Variants in GREB1 observed in about 807,000 individuals in gnomAD.
GREB1 encodes growth regulating estrogen receptor binding 1.
Under a neutral mutation model 200.7 loss-of-function variants are expected in GREB1, and 106 were observed. The observed-to-expected ratio is 0.53, with a 90% CI of 0.45 to 0.62. The LOEUF (loss-of-function observed/expected upper bound fraction) is 0.62. GREB1 is among the 20% of genes least tolerant of loss of function. The pLI, the probability that GREB1 is intolerant of heterozygous loss-of-function variation, is 0.00. For synonymous variants in GREB1, 1,132 were observed against 1,092.4 expected, an observed-to-expected ratio of 1.04 and a Z score of -0.72; for missense variants, 2,243 against 2,556.8, an observed-to-expected ratio of 0.88 and a Z score of 2.65.
intron 1 of GREB1, among the ~76,000 whole-genome samples, chr2:11,534,730 GCTT>G (rs1222582250): frequency 6.6e-6 from 1 of 152,192 alleles, no homozygotes; most frequent in Non-Finnish European, 1.5e-5. Flanking sequence ...GGGGATGTGT[GCTT>G]CTTCTTCACA....
intron 1 of GREB1, among the ~76,000 whole-genome samples, chr2:11,484,586 AAAAAAC>A (rs201775830): frequency 0.47 from 64,638 of 138,974 alleles, 15,776 homozygotes; most frequent in East Asian, 0.67. Context: ...CTCATCTCTT[AAAAAAC>A]AAAAAAAAAA....
At position 11,495,625 on chromosome 2, in the gene GREB1, T is replaced by C. The variant is rs139493585; in HGVS notation, c.-159+13244T>C. On this transcript the variant is annotated intron_variant, in intron 1 of 2. Coordinates refer to the GREB1 transcript ENST00000628795. ...GTAGATGGGATTTTTATTATCCTCG[T>C]TTTGCAGAGTGGGAAACTGAGGCAC... is the stretch of plus-strand genomic sequence containing the variant. Among the ~76,000 whole-genome samples, 63 of 152,160 alleles carry C rather than the reference T, an allele frequency of 4.1e-4. No homozygotes were observed. In the East Asian group the frequency reaches 0.012, roughly 28 times the overall value.
At chr2:11,628,123 A>G (rs920750482) in intron 25 of GREB1, among the ~76,000 whole-genome samples, 1 of 152,206 alleles carries the variant, frequency 6.6e-6, no homozygotes, top group African/African-American at 2.4e-5. Flanking sequence ...GGACTCTCTC[A>G]GTGGGAACTC....
intron 1 of GREB1, among the ~76,000 whole-genome samples, chr2:11,490,046 A>G (rs1207613125): frequency 1.3e-5 from 2 of 150,752 alleles, no homozygotes; most frequent in Non-Finnish European, 3.0e-5. Context: ...ATATATAATT[A>G]TAATACAATT....
chr2:11,544,094 G>A lies in GREB1; in HGVS notation c.-162+9840G>A, dbSNP rs779019652. Among the ~76,000 whole-genome samples, 120 of 152,318 alleles carry A rather than the reference G, an allele frequency of 7.9e-4. 1 individual carries two copies. The highest frequency in any genetic ancestry group is 6.8e-3 in the Middle Eastern group (2 of 294). On this transcript the variant is annotated intron_variant, in intron 1 of 32. Transcript: ENST00000381486. Reference sequence around the variant, plus strand: ...ATGGAGGCTTCATTTAGACAGAGGTGCCTCATTGCATGATTGGTAACAGGT... The same window carrying A: ...ATGGAGGCTTCATTTAGACAGAGGTACCTCATTGCATGATTGGTAACAGGT...
chr2:11,548,052 C>T lies in GREB1; in HGVS notation c.-161-8402C>T, dbSNP rs1211902891. On this transcript the variant is annotated intron_variant, in intron 1 of 32. Transcript: ENST00000381486. The surrounding 1 kb of genome is among the most constrained non-coding windows in gnomAD (Gnocchi z 5.1). ...AGCTATCTGGGCATGGTGGCATGTTCCTATAGTCCTAGCTACTCAGGAGGC... is the reference window on the plus strand; with the variant it reads ...AGCTATCTGGGCATGGTGGCATGTTTCTATAGTCCTAGCTACTCAGGAGGC... Among the ~76,000 whole-genome samples, 1 of 152,102 alleles carries T rather than the reference C, an allele frequency of 6.6e-6. No homozygotes were observed. The highest frequency in any genetic ancestry group is 1.5e-5 in the Non-Finnish European group (1 of 68,022).
chr2:11,609,356 T>C (rs56856746), intron 17 of GREB1, among the ~76,000 whole-genome samples: 12,003 of 151,802 alleles, frequency 0.079, 636 homozygotes, highest in South Asian at 0.21. Flanking sequence ...ACAACCTCCA[T>C]CTCCTGAGTT....
chr2:11,585,990 G>A (rs1452678656), intron 9 of GREB1, 85 bp downstream of exon 9: 31 of 1,394,952 alleles, frequency 2.2e-5, no homozygotes, highest in South Asian at 6.0e-5. Context: ...ACCTCATCCC[G>A]GTCTGACTCC....
chr2:11,633,067 AG>A lies in GREB1; in HGVS notation c.4991+6del, dbSNP rs1388109740. 6.2e-7 allele frequency: 1 copy of A among 1,613,728 alleles called. No individual in the cohort carries two copies. The highest frequency in any genetic ancestry group is 1.7e-5 in the Admixed American group (1 of 60,020). On this transcript the variant is annotated splice_donor_5th_base_variant and intron_variant, in intron 28 of 32. Coordinates refer to ENST00000381486, the MANE Select transcript of GREB1 (RefSeq NM_014668.4). The surrounding 1 kb of genome is among the most constrained non-coding windows in gnomAD (Gnocchi z 4.1). ...ACTCTGCTGGGGAGAGAAGCAGGTG[AG>A]GTAACCTGAGAGCACCACCTCCTGC...
chr2:11,578,783 G>C (rs1157778577), intron 6 of GREB1, among the ~76,000 whole-genome samples: 2 of 152,150 alleles, frequency 1.3e-5, no homozygotes, highest in African/African-American at 2.4e-5. Flanking sequence ...GGGTGGAAAA[G>C]ACCAGATTGC....
intron 1 of GREB1, among the ~76,000 whole-genome samples, chr2:11,524,155 C>A (rs1341696641): frequency 1.3e-5 from 2 of 152,254 alleles, no homozygotes; most frequent in East Asian, 3.9e-4. Flanking sequence ...TAAAATTCAT[C>A]TTTTTTCTCC....
intron 1 of GREB1, among the ~76,000 whole-genome samples, chr2:11,537,721 T>C (rs1044849520): frequency 4.1e-5 from 6 of 147,594 alleles, no homozygotes; most frequent in African/African-American, 1.5e-4. Context: ...AAATATATGA[T>C]ATTTATATAA....
chr2:11,526,023 A>G (rs1186668872), intron 1 of GREB1, among the ~76,000 whole-genome samples: 3 of 152,234 alleles, frequency 2.0e-5, no homozygotes, highest in Non-Finnish European at 2.9e-5. Context: ...GCATAGAAGC[A>G]TCAGACATTT....
chr2:11,533,160 A>T (rs1674138405), upstream of GREB1, among the ~76,000 whole-genome samples: 1 of 152,184 alleles, frequency 6.6e-6, no homozygotes. Context: ...TGCACATCCC[A>T]ATTATTCATT....
upstream of GREB1, among the ~76,000 whole-genome samples, chr2:11,532,350 G>A (rs1674104644): frequency 2.0e-5 from 3 of 152,228 alleles, no homozygotes; most frequent in South Asian, 6.2e-4. Flanking sequence ...TTCAATTGTG[G>A]CCAATAAAAT....
intron 1 of GREB1, among the ~76,000 whole-genome samples, chr2:11,512,905 A>T (rs1265237108): frequency 2.0e-5 from 3 of 152,208 alleles, no homozygotes; most frequent in African/African-American, 7.2e-5. Flanking sequence ...AGACAAAGAT[A>T]ATCAGGTCAA....
intron 9 of GREB1, among the ~76,000 whole-genome samples, 158 bp downstream of exon 9, chr2:11,586,063 C>T (rs746413224): frequency 3.3e-5 from 5 of 152,184 alleles, no homozygotes; most frequent in Non-Finnish European, 7.3e-5. Context: ...CAAGGCAGAG[C>T]CAGTCACTAG....
chr2:11,532,151 G>A (rs1674096639), upstream of GREB1, among the ~76,000 whole-genome samples: 4 of 152,244 alleles, frequency 2.6e-5, no homozygotes, highest in Middle Eastern at 3.4e-3. Context: ...GTTTAGCAAA[G>A]ATCATATATT....
At chr2:11,608,622 C>T (rs527441936) in intron 17 of GREB1, among the ~76,000 whole-genome samples, 6 of 152,302 alleles carry the variant, frequency 3.9e-5, no homozygotes, top group South Asian at 4.1e-4. Flanking sequence ...TTTAATGTAG[C>T]GCTAACTTTG....
Sources: allele counts gnomAD v4.1 joint callset (sites outside exome capture counted in the v4.1 genomes callset), GRCh38; gene constraint gnomAD v4.1.1; non-coding constraint Gnocchi (gnomAD v3.1); transcripts MANE v1.5; gene names NCBI Gene and HGNC (gene_info 2026-07-23, HGNC 2026-07-21).